ADAMTS19: variants seen among roughly 807,000 people sequenced by gnomAD.
ADAMTS19 encodes A disintegrin and metalloproteinase with thrombospondin motifs 19.
Under a neutral mutation model 153.3 loss-of-function variants are expected in ADAMTS19, and 93 were observed. The observed-to-expected ratio is 0.61, with a 90% confidence interval of 0.51 to 0.72. The LOEUF (loss-of-function observed/expected upper bound fraction) is 0.72, where lower values mean the gene tolerates loss of function less well. Among genes scored for constraint, ADAMTS19 ranks in the 30% least tolerant of loss-of-function variants. The probability of loss-of-function intolerance (pLI) is 0.00; values close to 1 mark genes in which losing one functional copy is unlikely to be tolerated. For missense variants in ADAMTS19, 1,482 were observed against 1,552.1 expected (o/e 0.95, Z 0.76); for synonymous variants, 600 against 556.6 (o/e 1.08, Z -1.10).
intron 18 of ADAMTS19, among the ~76,000 whole-genome samples, chr5:129,685,730 A>G (rs1483155168): frequency 1.3e-5 from 2 of 152,304 alleles, no homozygotes; most frequent in East Asian, 1.9e-4. Flanking sequence ...TATGAGTCAA[A>G]GGAGTTTGTT....
chr5:129,609,728 G>C (rs1751104240), intron 8 of ADAMTS19, among the ~76,000 whole-genome samples: 1 of 152,164 alleles, frequency 6.6e-6, no homozygotes, highest in Non-Finnish European at 1.5e-5. Context: ...ATGTAGGTTT[G>C]GATGTTGGAG....
At chr5:129,696,425 T>C (rs980095950) in intron 19 of ADAMTS19, among the ~76,000 whole-genome samples, 2 of 152,262 alleles carry the variant, frequency 1.3e-5, no homozygotes, top group Non-Finnish European at 2.9e-5. Flanking sequence ...AAAAAGAATT[T>C]GGAAAATACT....
chr5:129,549,675 A>G (rs181635235), intron 6 of ADAMTS19, among the ~76,000 whole-genome samples: 18 of 151,444 alleles, frequency 1.2e-4, no homozygotes, highest in African/African-American at 4.3e-4. Flanking sequence ...TCTACTTAAC[A>G]ATTGTATATC....
Position 129,654,374 on chromosome 5 carries a change from A to G in ADAMTS19, c.2245A>G (p.Met749Val). 3.1e-6 allele frequency: 5 copies of G among 1,613,346 alleles called. No homozygotes were observed. In the East Asian group the frequency reaches 8.9e-5, roughly 29 times the overall value. Residue 749 changes from methionine (M) to valine (V), a missense_variant, in exon 14 of 23, where the codon ATG (methionine) becomes GTG (valine). By Grantham distance (21) the Met-to-Val change is conservative. Coordinates refer to ENST00000274487, the MANE Select transcript of ADAMTS19 (RefSeq NM_133638.6). ...EQPILLSEKVMDGTSCGYQGL... is the reference protein window; with the variant it reads ...EQPILLSEKVVDGTSCGYQGL... Reference sequence around the variant, plus strand: ...GCCTATTCTTCTATCAGAAAAAGTGATGGATGGAACTTCTTGTGGCTATCA... The same window carrying G: ...GCCTATTCTTCTATCAGAAAAAGTGGTGGATGGAACTTCTTGTGGCTATCA...
At chr5:129,687,068 G>A (rs975144714) in intron 18 of ADAMTS19, among the ~76,000 whole-genome samples, 1 of 152,062 alleles carries the variant, frequency 6.6e-6, no homozygotes, top group Admixed American at 6.5e-5. Flanking sequence ...TTAAGGGGCT[G>A]TACTTCACCT....
intron 7 of ADAMTS19, among the ~76,000 whole-genome samples, chr5:129,558,623 G>A (rs1338280294): frequency 3.4e-4 from 51 of 152,132 alleles, no homozygotes; most frequent in Non-Finnish European, 2.9e-5. Context: ...TCTAACGAGA[G>A]TTTTGAAGGA....
chr5:129,585,095 C>T (rs1004571612), intron 7 of ADAMTS19, among the ~76,000 whole-genome samples: 6 of 151,998 alleles, frequency 3.9e-5, no homozygotes, highest in Non-Finnish European at 5.9e-5. Flanking sequence ...CATTTGGGGC[C>T]GGAATGCACC....
intron 6 of ADAMTS19, among the ~76,000 whole-genome samples, chr5:129,540,755 T>C (rs1435973033): frequency 6.6e-6 from 1 of 152,074 alleles, no homozygotes; most frequent in Non-Finnish European, 1.5e-5. Flanking sequence ...AGATGCATCT[T>C]CATTCTTGGA....
At chr5:129,587,542 CAG>C (rs1249491838) in intron 7 of ADAMTS19, among the ~76,000 whole-genome samples, 1 of 152,112 alleles carries the variant, frequency 6.6e-6, no homozygotes, top group Non-Finnish European at 1.5e-5. Flanking sequence ...TTTGTCTAGA[CAG>C]ATAGTATGGG....
chr5:129,552,706 G>T (rs753299764), intron 7 of ADAMTS19, among the ~76,000 whole-genome samples: 21 of 151,618 alleles, frequency 1.4e-4, no homozygotes, highest in Non-Finnish European at 2.2e-4. Flanking sequence ...TTTATAAAGT[G>T]AATAATAAAT....
chr5:129,556,560 G>A (rs767207713), intron 7 of ADAMTS19, among the ~76,000 whole-genome samples: 2 of 152,092 alleles, frequency 1.3e-5, no homozygotes, highest in Non-Finnish European at 2.9e-5. Context: ...TTAAGGTAGT[G>A]GATGGAATTA....
intron 6 of ADAMTS19, among the ~76,000 whole-genome samples, chr5:129,544,621 G>C (rs1487452709): frequency 1.3e-5 from 2 of 152,116 alleles, no homozygotes; most frequent in Non-Finnish European, 2.9e-5. Flanking sequence ...AACAAAGCAA[G>C]TTCTGGCAAC....
intron 6 of ADAMTS19, among the ~76,000 whole-genome samples, chr5:129,537,106 G>A (rs187096399): frequency 4.3e-4 from 66 of 151,876 alleles, no homozygotes; most frequent in African/African-American, 1.5e-3. Context: ...CCATCAAAAA[G>A]TGGGTGAAGG....
intron 8 of ADAMTS19, among the ~76,000 whole-genome samples, chr5:129,620,342 G>A (rs1004705009): frequency 2.0e-5 from 3 of 151,858 alleles, no homozygotes; most frequent in Admixed American, 1.3e-4. Context: ...ATATCTGTAG[G>A]TCATTTCCGT....
chr5:129,630,181 G>A (rs1376778443), intron 10 of ADAMTS19, among the ~76,000 whole-genome samples: 1 of 152,002 alleles, frequency 6.6e-6, no homozygotes, highest in Non-Finnish European at 1.5e-5. Context: ...GCACAGACTG[G>A]AATTGAAATA....
At chr5:129,638,563 A>T (rs1323680638) in intron 10 of ADAMTS19, among the ~76,000 whole-genome samples, 11 of 97,762 alleles carry the variant, frequency 1.1e-4, no homozygotes, top group African/African-American at 1.8e-4. Flanking sequence ...TCTCTGTCTC[A>T]CACACACACA....
At chr5:129,583,432 A>G (rs1029003609) in intron 7 of ADAMTS19, among the ~76,000 whole-genome samples, 6 of 151,844 alleles carry the variant, frequency 4.0e-5, no homozygotes, top group African/African-American at 1.5e-4. Flanking sequence ...TGTTCTCTGT[A>G]TTTCCTGAAT....
chr5:129,485,576 A>G (rs1159673915), intron 2 of ADAMTS19, among the ~76,000 whole-genome samples: 1 of 152,160 alleles, frequency 6.6e-6, no homozygotes, highest in Non-Finnish European at 1.5e-5. Flanking sequence ...AGACTGAACA[A>G]AGAAAAATAG....
At chr5:129,519,901 A>C (rs1751738232) in intron 3 of ADAMTS19, among the ~76,000 whole-genome samples, 1 of 152,104 alleles carries the variant, frequency 6.6e-6, no homozygotes, top group Non-Finnish European at 1.5e-5. Context: ...ACTTCAGAGT[A>C]AAATTCATAC....
Sources: gnomAD v4.1 joint callset for allele counts (sites outside exome capture counted in the v4.1 genomes callset) on GRCh38, gnomAD v4.1.1 for gene constraint, MANE v1.5 for transcripts, NCBI Gene and HGNC (gene_info 2026-07-23, HGNC 2026-07-21) for gene names.